RAVER2: variants seen among roughly 807,000 people sequenced by gnomAD.
RAVER2 encodes ribonucleoprotein, PTB binding 2, also known as ribonucleoprotein PTB-binding 2.
Under a neutral mutation model 78.1 loss-of-function variants are expected in RAVER2, and 46 were observed. The observed-to-expected ratio is 0.59, with a 90% CI of 0.46 to 0.75. RAVER2 has a LOEUF of 0.75. Among genes scored for constraint, RAVER2 ranks in the 30% least tolerant of loss-of-function variants. The pLI is 0.00. For missense variants in RAVER2, 793 were observed against 837.5 expected, an observed-to-expected ratio of 0.95 and a Z score of 0.66; for synonymous variants, 311 against 313.3, an observed-to-expected ratio of 0.99 and a Z score of 0.08.
chr1:64,805,967 G>A (rs1040544806), intron 8 of RAVER2, among the ~76,000 whole-genome samples: 2 of 152,106 alleles, frequency 1.3e-5, no homozygotes, highest in Admixed American at 1.3e-4. Context: ...ATTTGCTTTA[G>A]TATATGCCGC....
At chr1:64,777,803 G>A (rs1049901272) in exon 3 of RAVER2, 1 of 1,613,966 alleles carries the variant, frequency 6.2e-7, no homozygotes, top group South Asian at 1.1e-5. Flanking sequence ...CGTGCTTATG[G>A]AAATATTGAG....
chr1:64,749,350 A>G (rs1026929201), intron 1 of RAVER2, among the ~76,000 whole-genome samples: 1 of 152,182 alleles, frequency 6.6e-6, no homozygotes, highest in South Asian at 2.1e-4. Flanking sequence ...AGCTGGGATT[A>G]CAGGCATGTG....
At chr1:64,755,605 GCT>G (rs2100806377) in intron 1 of RAVER2, among the ~76,000 whole-genome samples, 1 of 151,240 alleles carries the variant, frequency 6.6e-6, no homozygotes, top group Non-Finnish European at 1.5e-5. Context: ...GTGATTATCT[GCT>G]CTTAGTTCCT....
At chr1:64,805,444 A>G (rs1653390654) in intron 8 of RAVER2, among the ~76,000 whole-genome samples, 1 of 152,236 alleles carries the variant, frequency 6.6e-6, no homozygotes, top group Non-Finnish European at 1.5e-5. Context: ...TGCTGGGATA[A>G]GAAACCATTC....
chr1:64,782,966 T>A (rs1202833701), intron 4 of RAVER2, among the ~76,000 whole-genome samples: 1 of 152,012 alleles, frequency 6.6e-6, no homozygotes, highest in Non-Finnish European at 1.5e-5. Context: ...CACCTATGAG[T>A]GAGAACATGC....
rs569706900 is a variant in RAVER2 at position 64,812,191 on chromosome 1, C to T, written c.1681-547C>T. On this transcript the variant is annotated intron_variant, in intron 9 of 11. Transcript: ENST00000294428. ...CCTGGCCAACATGGTGAAGCCCCATCTCTACTAAAAATATAAAAAAATTAG... is the reference window on the plus strand; with the variant it reads ...CCTGGCCAACATGGTGAAGCCCCATTTCTACTAAAAATATAAAAAAATTAG... Among the ~76,000 whole-genome samples the T allele has an allele frequency of 5.9e-5, 9 of 151,972 alleles. No homozygotes were observed. The South Asian group carries it at 1.7e-3, about 28-fold the overall frequency.
chr1:64,766,087 A>G (rs947217629), intron 1 of RAVER2, among the ~76,000 whole-genome samples: 3 of 152,184 alleles, frequency 2.0e-5, no homozygotes, highest in African/African-American at 4.8e-5. Context: ...AGCATTTCAT[A>G]TGTGCAAAAC....
At chr1:64,753,743 C>G (rs1417298630) in intron 1 of RAVER2, among the ~76,000 whole-genome samples, 1 of 151,942 alleles carries the variant, frequency 6.6e-6, no homozygotes, top group East Asian at 1.9e-4. Flanking sequence ...AGGCTGGTCT[C>G]AAACTCCTGA....
At chr1:64,781,228 A>G (rs761363618) in intron 3 of RAVER2, 152 bp from the exon 4 acceptor site, 107 of 656,294 alleles carry the variant, frequency 1.6e-4, no homozygotes, top group Non-Finnish European at 7.1e-5. Flanking sequence ...ACATCTAAGC[A>G]ATTAGTAAAC....
chr1:64,751,419 C>G (rs1209294250), intron 1 of RAVER2, among the ~76,000 whole-genome samples: 1 of 152,178 alleles, frequency 6.6e-6, no homozygotes, highest in Non-Finnish European at 1.5e-5. Context: ...AAGGAAATTG[C>G]TCCTTGAATT....
chr1:64,821,767 T>C (rs558532883), intron 11 of RAVER2, among the ~76,000 whole-genome samples: 3 of 152,218 alleles, frequency 2.0e-5, no homozygotes, highest in Admixed American at 2.0e-4. Context: ...AAAAATCAAC[T>C]CAAGATGGAT....
At chr1:64,827,186 T>G (rs1158051451) in intron 11 of RAVER2, among the ~76,000 whole-genome samples, 1 of 152,234 alleles carries the variant, frequency 6.6e-6, no homozygotes, top group East Asian at 1.9e-4. Flanking sequence ...GGTTAGTCAC[T>G]GTGCGTCTTA....
intron 5 of RAVER2, among the ~76,000 whole-genome samples, chr1:64,800,477 T>C (rs1653231487): frequency 6.6e-6 from 1 of 152,144 alleles, no homozygotes; most frequent in Non-Finnish European, 1.5e-5. Flanking sequence ...TGGTGAGAGA[T>C]AAGGGTCTGG....
intron 11 of RAVER2, among the ~76,000 whole-genome samples, chr1:64,822,058 C>CGGGCGGATCACGAGGTCAGGA (rs1553156391): frequency 6.6e-6 from 1 of 152,146 alleles, no homozygotes; most frequent in East Asian, 1.9e-4. Flanking sequence ...GAGGCCATGG[C>CGGGCGGATCACGAGGTCAGGA]GGGCGGATCA....
At chr1:64,807,560 T>C (rs1370952247) in intron 9 of RAVER2, 86 bp downstream of exon 9, 1 of 1,282,638 alleles carries the variant, frequency 7.8e-7, no homozygotes, top group African/African-American at 1.5e-5. Flanking sequence ...AATTGTCGTG[T>C]CAATGAAATG....
chr1:64,768,127 G>A (rs1197647046), intron 1 of RAVER2, among the ~76,000 whole-genome samples: 2 of 151,666 alleles, frequency 1.3e-5, no homozygotes, highest in African/African-American at 4.8e-5. Flanking sequence ...TGTGCTCTAA[G>A]CATCTACAGG....
rs12061522 is a variant in RAVER2 at position 64,765,233 on chromosome 1, A to G, written c.250-3423A>G. On this transcript the variant is annotated intron_variant, in intron 1 of 11. Transcript: ENST00000294428. ...TAAAGTTGATCATATGCATACGTAC[A>G]CCACAGGAATTTCTCTCCTTGAGGA... 7.8e-3 allele frequency among the ~76,000 whole-genome samples: 1,191 copies of G among 152,328 alleles called. 17 individuals are homozygous for G. Among genetic ancestry groups the G allele is most frequent in the African/African-American group, 0.027 (1,121 of 41,580 alleles).
At chr1:64,759,836 A>C (rs1651971524) in intron 1 of RAVER2, among the ~76,000 whole-genome samples, 1 of 152,076 alleles carries the variant, frequency 6.6e-6, no homozygotes, top group Non-Finnish European at 1.5e-5. Flanking sequence ...TTTTTTGAGC[A>C]CTCTAAACAT....
intron 1 of RAVER2, among the ~76,000 whole-genome samples, chr1:64,753,409 A>G (rs1651755459): frequency 1.3e-5 from 2 of 151,872 alleles, no homozygotes; most frequent in Admixed American, 6.6e-5. Flanking sequence ...AAGGTATCCT[A>G]TTCCATCTTC....
Sources: allele counts gnomAD v4.1 joint callset (sites outside exome capture counted in the v4.1 genomes callset), GRCh38; gene constraint gnomAD v4.1.1; transcripts MANE v1.5; gene names NCBI Gene and HGNC (gene_info 2026-07-23, HGNC 2026-07-21).